The following ZFP64 variants were observed in gnomAD, a reference collection of about 807,000 sequenced individuals.
The protein encoded by ZFP64 is ZFP64 zinc finger protein.
ZFP64 carries 14 observed loss-of-function variants against 51.6 expected under a neutral mutation model. The observed-to-expected ratio is 0.27, with a 90% confidence interval of 0.18 to 0.42. The LOEUF (loss-of-function observed/expected upper bound fraction) is 0.42. Among genes scored for constraint, ZFP64 ranks in the 10% least tolerant of loss-of-function variants. The pLI, the probability that ZFP64 is intolerant of heterozygous loss-of-function variation, is 1.00. For missense variants in ZFP64, 754 were observed against 906.8 expected (o/e 0.83, Z 2.16); for synonymous variants, 375 against 361.4 (o/e 1.04, Z -0.43).
chr20:52,174,833 T>C (rs1983055560), intron 2 of ZFP64, among the ~76,000 whole-genome samples: 1 of 152,206 alleles, frequency 6.6e-6, no homozygotes, highest in Non-Finnish European at 1.5e-5. Context: ...TTGGTGATTA[T>C]ATAATTATAA....
intron 5 of ZFP64, chr20:52,104,708 G>T: frequency 2.1e-6 from 1 of 479,230 alleles, no homozygotes; most frequent in Non-Finnish European, 4.3e-6. Context: ...TCCGCTCCTC[G>T]GTGAGGCCTT....
At chr20:52,170,842 G>A (rs1191818943) in intron 2 of ZFP64, among the ~76,000 whole-genome samples, 3 of 152,138 alleles carry the variant, frequency 2.0e-5, no homozygotes, top group Non-Finnish European at 4.4e-5. Context: ...TGCCCTCATG[G>A]AGCTGACACT....
At chr20:52,154,159 T>C in intron 5 of ZFP64, among the ~76,000 whole-genome samples, 1 of 152,198 alleles carries the variant, frequency 6.6e-6, no homozygotes, top group African/African-American at 2.4e-5. Flanking sequence ...TCTGAGGCAA[T>C]GACAATTCAA....
intron 5 of ZFP64, among the ~76,000 whole-genome samples, chr20:52,154,784 T>G (rs1336492936): frequency 1.3e-5 from 2 of 152,220 alleles, no homozygotes; most frequent in Non-Finnish European, 2.9e-5. Flanking sequence ...AAATAAAGTT[T>G]TACTGAAACA....
chr20:52,122,188 A>C (rs959600334), intron 5 of ZFP64, among the ~76,000 whole-genome samples: 5 of 152,188 alleles, frequency 3.3e-5, no homozygotes, highest in African/African-American at 9.7e-5. Context: ...CAGTACATGG[A>C]CCAAGGAGTA....
chr20:52,122,133 G>A (rs1341254864), intron 5 of ZFP64, among the ~76,000 whole-genome samples: 1 of 152,148 alleles, frequency 6.6e-6, no homozygotes, highest in Non-Finnish European at 1.5e-5. Context: ...GATGTACAAG[G>A]AGATGAATGT....
chr20:52,152,737 C>G lies in ZFP64; in HGVS notation c.1455G>C (p.Gln485His). The G allele has an allele frequency of 6.3e-7, 1 of 1,580,086 alleles. No homozygotes were observed. Among genetic ancestry groups the G allele is most frequent in the South Asian group, 1.2e-5 (1 of 84,928 alleles). Residue 485 changes from glutamine (Q) to histidine (H), a missense_variant, in exon 6 of 6, where the codon CAG (glutamine) becomes CAC (histidine). Transcript: ENST00000216923. ...LTVGHLQVPL[Q>H]PSQVPQFSEG... ...CGCTGAACTGGGGCACTTGGCTGGG[C>G]TGGAGGGGCACCTGGAGGTGTCCCA...
downstream of ZFP64, among the ~76,000 whole-genome samples, chr20:52,150,580 A>G (rs1225944412): frequency 6.6e-6 from 1 of 152,244 alleles, no homozygotes; most frequent in African/African-American, 2.4e-5. Context: ...CACTATTATC[A>G]TTGATGATAG....
At chr20:52,182,730 C>CAAAGAAACAAGCAA (rs1983697922) in intron 2 of ZFP64, among the ~76,000 whole-genome samples, 1 of 151,968 alleles carries the variant, frequency 6.6e-6, no homozygotes, top group Non-Finnish European at 1.5e-5. Context: ...AAAAACAAAA[C>CAAAGAAACAAGCAA]AAAGAAACAA....
At position 52,166,023 on chromosome 20, in the gene ZFP64, A is replaced by G; in HGVS notation, c.289T>C (p.Ser97Pro). 6.2e-7 allele frequency: 1 copy of G among 1,606,266 alleles called. No individual in the cohort carries two copies. The highest frequency in any genetic ancestry group is 1.1e-5 in the South Asian group (1 of 89,498). Residue 97 changes from serine to proline, a missense_variant and splice_region_variant, in exon 3 of 6, where the codon TCA becomes CCA. Ser to Pro is a moderately conservative substitution (Grantham distance 74, BLOSUM62 -1). Transcript: ENST00000216923. ...TGTTCAAAAACAAATTCTGGAGCTG[A>G]AACTAAAAGATATGGTGATTATTAA... ...ITSETQTITV[S>P]APEFVFEHGY... is the part of the protein sequence containing the mutation.
exon 9 of ZFP64, chr20:52,084,510 C>T: frequency 2.6e-6 from 4 of 1,556,094 alleles, no homozygotes; most frequent in Non-Finnish European, 3.5e-6. Flanking sequence ...GGCTGGGCAA[C>T]AGCACTGGTC....
At chr20:52,184,783 C>T (rs542518770) in intron 2 of ZFP64, among the ~76,000 whole-genome samples, 2 of 151,980 alleles carry the variant, frequency 1.3e-5, no homozygotes, top group African/African-American at 4.8e-5. Flanking sequence ...TGTGCTATCA[C>T]GCCTGGCTAA....
At chr20:52,112,625 T>TTTC (rs1555881122) in intron 5 of ZFP64, among the ~76,000 whole-genome samples, 1 of 150,066 alleles carries the variant, frequency 6.7e-6, no homozygotes, top group Non-Finnish European at 1.5e-5. Flanking sequence ...TTTTTTTTTT[T>TTTC]CTTTGTTGGG....
At chr20:52,186,767 T>C (rs1983995057) in intron 2 of ZFP64, 65 bp downstream of exon 2, 46 of 1,534,208 alleles carry the variant, frequency 3.0e-5, no homozygotes, top group Non-Finnish European at 4.0e-5. Flanking sequence ...TTTAACAAGT[T>C]CCATGGACGT....
chr20:52,138,897 A>C (rs927921083), intron 5 of ZFP64, among the ~76,000 whole-genome samples: 6 of 152,328 alleles, frequency 3.9e-5, no homozygotes, highest in African/African-American at 1.4e-4. Context: ...ATTAAATTAT[A>C]AGAAGACATA....
chr20:52,124,627 T>C (rs1220145645), intron 5 of ZFP64, among the ~76,000 whole-genome samples: 1 of 152,022 alleles, frequency 6.6e-6, no homozygotes, highest in Admixed American at 6.5e-5. Context: ...TTTTTTTTTT[T>C]GAAACAGGGT....
At chr20:52,105,626 T>C (rs892415464) in intron 5 of ZFP64, 1 of 158,454 alleles carries the variant, frequency 6.3e-6, no homozygotes, top group African/African-American at 2.4e-5. Flanking sequence ...GTTTGCCCAT[T>C]AAAATTTCAG....
At chr20:52,155,339 G>A (rs555401091) in intron 5 of ZFP64, among the ~76,000 whole-genome samples, 1 of 152,244 alleles carries the variant, frequency 6.6e-6, no homozygotes, top group South Asian at 2.1e-4. Context: ...TTTAATACAG[G>A]CTAGTGAAAA....
chr20:52,148,412 A>G (rs909101797), downstream of ZFP64, among the ~76,000 whole-genome samples: 1 of 152,260 alleles, frequency 6.6e-6, no homozygotes, highest in Non-Finnish European at 1.5e-5. Flanking sequence ...TGTTCATCAT[A>G]ACATATAAAT....
Sources: allele counts gnomAD v4.1 joint callset (sites outside exome capture counted in the v4.1 genomes callset), GRCh38; gene constraint gnomAD v4.1.1; transcripts MANE v1.5; gene names NCBI Gene and HGNC (gene_info 2026-07-23, HGNC 2026-07-21).